The following EYA2 variants were observed in gnomAD, a reference collection of about 807,000 sequenced individuals.
The protein encoded by EYA2 is protein phosphatase EYA2.
In EYA2, 31 loss-of-function variants were observed where a neutral mutation model predicts 69.2. That is an observed-to-expected ratio of 0.45 (90% CI 0.34 to 0.60). The LOEUF (loss-of-function observed/expected upper bound fraction) is 0.60, where lower values mean the gene tolerates loss of function less well. Ranked by LOEUF, EYA2 falls within the 20% of genes least tolerant of loss-of-function variation. The probability of loss-of-function intolerance (pLI) is 0.02; values close to 1 mark genes in which losing one functional copy is unlikely to be tolerated. For synonymous variants in EYA2, 257 were observed against 279.4 expected (o/e 0.92, Z 0.80); for missense variants, 622 against 701.2 (o/e 0.89, Z 1.28).
intron 2 of EYA2, among the ~76,000 whole-genome samples, chr20:46,994,190 A>C (rs1362735538): frequency 6.6e-6 from 1 of 152,168 alleles, no homozygotes; most frequent in Non-Finnish European, 1.5e-5. Context: ...CATCGTACTG[A>C]TGACAATAAT....
In EYA2 at chr20:47,001,438, A is replaced by G; in HGVS notation, c.120A>G (p.Lys40=). 1 of 1,614,062 alleles carries G rather than the reference A, an allele frequency of 6.2e-7. No individual in the cohort carries two copies. The highest frequency in any genetic ancestry group is 1.1e-5 in the South Asian group (1 of 91,080). The change falls in exon 3 of 16, where the codon AAA becomes AAG. Residue 40 remains lysine (K), a synonymous_variant. Transcript: ENST00000327619. ...CTTTTTCTCCTGCAGGCATCACCAA[A>G]TCGGCCCCCCTGAGAGTGTCCCAGC... ...WTLSDRQGIT[K]SAPLRVSQLF...
chr20:47,173,558 G>A (rs1173536241), intron 12 of EYA2, among the ~76,000 whole-genome samples: 2 of 143,650 alleles, frequency 1.4e-5, no homozygotes, highest in African/African-American at 5.2e-5. Flanking sequence ...GCCTCATCCT[G>A]GGCAACTGAC....
intron 1 of EYA2, among the ~76,000 whole-genome samples, chr20:46,925,918 G>A (rs1368505769): frequency 8.3e-6 from 1 of 120,028 alleles, no homozygotes; most frequent in Non-Finnish European, 1.7e-5. Flanking sequence ...GGTGCTCACA[G>A]ATAATAGAGA....
At chr20:47,180,366 G>A (rs2034515460) in intron 13 of EYA2, among the ~76,000 whole-genome samples, 1 of 152,200 alleles carries the variant, frequency 6.6e-6, no homozygotes, top group Admixed American at 6.6e-5. Context: ...ACAAGGCTCA[G>A]TGGATACCTT....
intron 12 of EYA2, 130 bp from the exon 13 acceptor site, chr20:47,179,668 G>A (rs1403960422): frequency 1.6e-6 from 1 of 613,134 alleles, no homozygotes; most frequent in East Asian, 2.8e-5. Flanking sequence ...GAAGCCACTG[G>A]ATTGAAGTTT....
chr20:47,035,145 G>T (rs1984624993), intron 5 of EYA2, among the ~76,000 whole-genome samples: 1 of 152,184 alleles, frequency 6.6e-6, no homozygotes, highest in Non-Finnish European at 1.5e-5. Context: ...GCTGCAAGAG[G>T]CTTGGAGCCA....
At chr20:47,176,829 C>T (rs6018321) in intron 12 of EYA2, among the ~76,000 whole-genome samples, 86,262 of 150,702 alleles carry the variant, frequency 0.57, 26,582 homozygotes, top group African/African-American at 0.82. Flanking sequence ...TCTCACTCTG[C>T]CACCTAGGCT....
intron 1 of EYA2, among the ~76,000 whole-genome samples, chr20:46,899,199 C>T (rs920228192): frequency 6.6e-6 from 1 of 152,206 alleles, no homozygotes; most frequent in Non-Finnish European, 1.5e-5. Flanking sequence ...ATGCCTTATC[C>T]ATGTGCAATA....
chr20:47,170,243 G>A (rs2034291052), intron 11 of EYA2, among the ~76,000 whole-genome samples: 1 of 152,016 alleles, frequency 6.6e-6, no homozygotes, highest in Non-Finnish European at 1.5e-5. Context: ...AATTGATACA[G>A]CCAATACTTA....
intron 5 of EYA2, among the ~76,000 whole-genome samples, chr20:47,023,174 A>T (rs895788557): frequency 1.1e-4 from 16 of 152,238 alleles, no homozygotes; most frequent in Admixed American, 2.0e-4. Flanking sequence ...AACCACTGTA[A>T]TAATTTCGTG....
chr20:47,009,990 C>A (rs1469675003), intron 4 of EYA2, among the ~76,000 whole-genome samples: 1 of 152,184 alleles, frequency 6.6e-6, no homozygotes, highest in East Asian at 1.9e-4. Context: ...CATTCATTTT[C>A]ACTGCTGTAT....
chr20:46,961,265 A>C (rs1390673883), intron 1 of EYA2, among the ~76,000 whole-genome samples: 2 of 152,150 alleles, frequency 1.3e-5, no homozygotes, highest in Non-Finnish European at 2.9e-5. Flanking sequence ...GACGGAGGTT[A>C]CAGTGAGCCA....
intron 1 of EYA2, among the ~76,000 whole-genome samples, chr20:46,976,737 A>G (rs1483918710): frequency 6.6e-6 from 1 of 152,230 alleles, no homozygotes; most frequent in Non-Finnish European, 1.5e-5. Context: ...AAACAGCACA[A>G]GGGATGAAGA....
In EYA2 at chr20:47,124,307, G is replaced by A. The variant is rs78542720; in HGVS notation, c.889-18752G>A. 4.6e-3 allele frequency among the ~76,000 whole-genome samples: 701 copies of A among 152,250 alleles called. 37 individuals carry two copies. In the East Asian group the frequency reaches 0.09, roughly 20 times the overall value. The stretch of plus-strand genomic sequence containing the variant: ...ACATCTGGACTCTTGTTGACTTGAT[G>A]ACTTTTAAAATGTAAGATGGAGTCT... On this transcript the variant is annotated intron_variant, in intron 9 of 15. Transcript: ENST00000327619.
chr20:46,898,271 T>G (rs1371770562), intron 1 of EYA2, among the ~76,000 whole-genome samples: 6 of 147,222 alleles, frequency 4.1e-5, no homozygotes, highest in African/African-American at 1.5e-4. Context: ...TTTTTTTGGT[T>G]GTTTTTGTTT....
intron 9 of EYA2, among the ~76,000 whole-genome samples, chr20:47,138,610 G>A (rs187547352): frequency 5.3e-5 from 8 of 152,084 alleles, no homozygotes; most frequent in African/African-American, 1.7e-4. Context: ...AAAAAAATTA[G>A]CCAGGCGTGG....
At chr20:46,937,997 G>A (rs1343480111) in intron 1 of EYA2, among the ~76,000 whole-genome samples, 4 of 152,140 alleles carry the variant, frequency 2.6e-5, no homozygotes, top group Non-Finnish European at 5.9e-5. Flanking sequence ...CTATGAGATC[G>A]ATCTTATCTT....
chr20:47,126,462 C>A (rs966012233), intron 9 of EYA2, among the ~76,000 whole-genome samples: 3 of 152,148 alleles, frequency 2.0e-5, no homozygotes, highest in African/African-American at 7.2e-5. Context: ...AAGGGCAGAG[C>A]GCAGATTGCA....
intron 3 of EYA2, among the ~76,000 whole-genome samples, chr20:47,004,234 G>A (rs965893796): frequency 1.3e-5 from 2 of 152,190 alleles, no homozygotes; most frequent in African/African-American, 2.4e-5. Flanking sequence ...GGCCTCGAGA[G>A]AGATTAAGAA....
Sources: allele counts gnomAD v4.1 joint callset (sites outside exome capture counted in the v4.1 genomes callset), GRCh38; gene constraint gnomAD v4.1.1; transcripts MANE v1.5; gene names NCBI Gene and HGNC (gene_info 2026-07-23, HGNC 2026-07-21).